Variants in VDAC1 observed in about 807,000 individuals in gnomAD.
The protein encoded by VDAC1 is non-selective voltage-gated ion channel VDAC1.
In VDAC1, 10 loss-of-function variants were observed where a neutral mutation model predicts 34.7. The observed-to-expected ratio is 0.29, with a 90% confidence interval of 0.18 to 0.49. The LOEUF is 0.49. Among genes scored for constraint, VDAC1 ranks in the 20% least tolerant of loss-of-function variants. The pLI, the probability that VDAC1 is intolerant of heterozygous loss-of-function variation, is 0.99. For missense variants in VDAC1, 230 were observed against 347.9 expected (o/e 0.66, Z 2.69); for synonymous variants, 130 against 136.0 (o/e 0.96, Z 0.30).
the VDAC1 span, among the ~76,000 whole-genome samples, chr5:134,026,530 A>AC: frequency 3.3e-5 from 5 of 151,486 alleles, no homozygotes; most frequent in Non-Finnish European, 5.9e-5. Context: ...AAAAAAAAAA[A>AC]AAAAAAAAAC....
At chr5:133,998,921 A>T (rs1003539046) in intron 1 of VDAC1, among the ~76,000 whole-genome samples, 10 of 152,192 alleles carry the variant, frequency 6.6e-5, no homozygotes, top group Admixed American at 3.3e-4. Flanking sequence ...GGTGCCACTG[A>T]GAAGCAGCAG....
intron 1 of VDAC1, among the ~76,000 whole-genome samples, chr5:133,999,761 C>G (rs754322326): frequency 6.6e-6 from 1 of 152,148 alleles, no homozygotes; most frequent in Non-Finnish European, 1.5e-5. Context: ...ATTAAACTCT[C>G]CTGGATTACC....
At chr5:134,018,219 A>G in the VDAC1 span, among the ~76,000 whole-genome samples, 1 of 152,198 alleles carries the variant, frequency 6.6e-6, no homozygotes, top group Non-Finnish European at 1.5e-5. Context: ...GCCAACAAGG[A>G]GCAGGTACAT....
chr5:134,011,789 A>AC, the VDAC1 span, among the ~76,000 whole-genome samples: 14 of 151,826 alleles, frequency 9.2e-5, no homozygotes, highest in Non-Finnish European at 4.4e-5. Flanking sequence ...ACAGGTGCCC[A>AC]CCACCAGGCC....
At chr5:134,102,979 C>T in the VDAC1 span, among the ~76,000 whole-genome samples, 1 of 152,122 alleles carries the variant, frequency 6.6e-6, no homozygotes, top group East Asian at 1.9e-4. Flanking sequence ...AGGACCAAAC[C>T]TCAGCCTCTG....
the VDAC1 span, among the ~76,000 whole-genome samples, chr5:134,024,801 TCTTATAGC>T: frequency 2.6e-5 from 4 of 152,320 alleles, no homozygotes; most frequent in Admixed American, 2.0e-4. Flanking sequence ...TGTTCTCTGC[TCTTATAGC>T]CCAGACCCAC....
At chr5:134,099,497 A>G in the VDAC1 span, among the ~76,000 whole-genome samples, 3 of 152,142 alleles carry the variant, frequency 2.0e-5, no homozygotes, top group African/African-American at 4.8e-5. Flanking sequence ...AGAGGGTCAG[A>G]GCATCACGTC....
At chr5:133,999,808 A>G (rs1485654553) in intron 1 of VDAC1, among the ~76,000 whole-genome samples, 1 of 152,172 alleles carries the variant, frequency 6.6e-6, no homozygotes, top group Non-Finnish European at 1.5e-5. Flanking sequence ...CAAAGACGCT[A>G]ACCAACAGAG....
chr5:133,981,635 C>T (rs966853294), intron 5 of VDAC1, among the ~76,000 whole-genome samples: 13 of 152,218 alleles, frequency 8.5e-5, no homozygotes, highest in African/African-American at 2.4e-5. Context: ...AGTCTATAAG[C>T]AGTTCAGTGT....
At position 134,000,148 on chromosome 5, in the gene VDAC1, C is replaced by T. The variant is rs1753487114; in HGVS notation, c.-7+4747G>A. The stretch of plus-strand genomic sequence containing the variant: ...ACACACACTCCAGCACTTTCTCTTT[C>T]TTGCCAGGAAGAAACAACCCAGGGG... On this transcript the variant is annotated intron_variant, in intron 1 of 8. Coordinates refer to ENST00000265333, the MANE Select transcript of VDAC1 (RefSeq NM_003374.3). Among the ~76,000 whole-genome samples, 4 of 152,198 alleles carry T rather than the reference C, an allele frequency of 2.6e-5. No homozygotes were observed. In the South Asian group the frequency reaches 8.3e-4, roughly 31 times the overall value.
the VDAC1 span, among the ~76,000 whole-genome samples, chr5:134,061,944 A>G: frequency 6.6e-6 from 1 of 151,784 alleles, no homozygotes; most frequent in South Asian, 2.1e-4. Flanking sequence ...GTTCCCTTCA[A>G]TTCTGGATTG....
chr5:134,106,948 T>C, the VDAC1 span, among the ~76,000 whole-genome samples: 1 of 152,150 alleles, frequency 6.6e-6, no homozygotes, highest in Non-Finnish European at 1.5e-5. Flanking sequence ...CTCCCTCTGG[T>C]CTCTGTCCTC....
the VDAC1 span, among the ~76,000 whole-genome samples, chr5:134,042,606 G>C: frequency 6.6e-6 from 1 of 152,054 alleles, no homozygotes; most frequent in South Asian, 2.1e-4. Context: ...CGATTCTCCT[G>C]CCTCGGCCTC....
At chr5:134,002,947 CAG>C (rs1329582875) in intron 1 of VDAC1, among the ~76,000 whole-genome samples, 1 of 142,528 alleles carries the variant, frequency 7.0e-6, no homozygotes, top group Non-Finnish European at 1.5e-5. Context: ...GACCTGGCAA[CAG>C]AGCAAGACCC....
the VDAC1 span, among the ~76,000 whole-genome samples, chr5:134,017,098 AAC>A: frequency 5.3e-5 from 8 of 152,176 alleles, no homozygotes; most frequent in African/African-American, 1.9e-4. Flanking sequence ...CACAAAATCT[AAC>A]ACAGATTCTT....
chr5:133,977,305 T>A (rs199936389), intron 6 of VDAC1, among the ~76,000 whole-genome samples: 1 of 152,178 alleles, frequency 6.6e-6, no homozygotes, highest in East Asian at 1.9e-4. Context: ...CTGCAACATC[T>A]AAGCCTGGCA....
chr5:133,988,313 G>A (rs560631196), intron 5 of VDAC1, among the ~76,000 whole-genome samples: 113 of 152,150 alleles, frequency 7.4e-4, no homozygotes, highest in Non-Finnish European at 4.4e-5. Flanking sequence ...GGGGGCAGGT[G>A]CAGTGGCTCA....
At chr5:134,025,527 T>C in the VDAC1 span, among the ~76,000 whole-genome samples, 1 of 152,098 alleles carries the variant, frequency 6.6e-6, no homozygotes. Context: ...ATTGGACTTA[T>C]TTAGGAAGTA....
intron 1 of VDAC1, among the ~76,000 whole-genome samples, chr5:134,002,863 G>C (rs1423159805): frequency 6.6e-6 from 1 of 152,066 alleles, no homozygotes; most frequent in Admixed American, 6.6e-5. Context: ...TACTCTGTGA[G>C]GCTGAGGTGG....
Sources: allele counts gnomAD v4.1 joint callset (sites outside exome capture counted in the v4.1 genomes callset), GRCh38; gene constraint gnomAD v4.1.1; transcripts MANE v1.5; gene names NCBI Gene and HGNC (gene_info 2026-07-23, HGNC 2026-07-21).